The following ACTR3C variants were observed in gnomAD, a reference collection of about 807,000 sequenced individuals.
ACTR3C encodes the protein actin-related protein 3C.
A neutral mutation model predicts 26.3 loss-of-function variants in ACTR3C; 18 were observed. The observed-to-expected ratio is 0.68, with a 90% CI of 0.47 to 1.01. ACTR3C has a LOEUF of 1.01. ACTR3C is among the 50% of genes least tolerant of loss of function. The pLI is 0.00. For missense variants in ACTR3C, 184 were observed against 250.7 expected, an observed-to-expected ratio of 0.73 and a Z score of 1.80; for synonymous variants, 55 against 94.5, an observed-to-expected ratio of 0.58 and a Z score of 2.42.
chr7:150,075,509 A>G, the ACTR3C span, among the ~76,000 whole-genome samples: 1 of 152,068 alleles, frequency 6.6e-6, no homozygotes, highest in African/African-American at 2.4e-5. Context: ...TAATCAGGTG[A>G]TGTAATTAGC....
At chr7:150,213,469 G>T in the ACTR3C span, among the ~76,000 whole-genome samples, 1 of 152,170 alleles carries the variant, frequency 6.6e-6, no homozygotes, top group Non-Finnish European at 1.5e-5. Flanking sequence ...AAGATATAAA[G>T]TCTTGAAGAG....
chr7:150,134,583 T>C, the ACTR3C span, among the ~76,000 whole-genome samples: 1 of 152,246 alleles, frequency 6.6e-6, no homozygotes, highest in Non-Finnish European at 1.5e-5. Flanking sequence ...CAGCCCCATA[T>C]ATGTGTGTTT....
In ACTR3C at chr7:150,300,180, G is replaced by A. The variant is rs373379298; in HGVS notation, c.-51-4833C>T. 5.8e-4 allele frequency among the ~76,000 whole-genome samples: 88 copies of A among 152,074 alleles called. 1 individual carries two copies. The highest frequency in any genetic ancestry group is 1.2e-3 in the Non-Finnish European group (79 of 67,986). On this transcript the variant is annotated intron_variant, in intron 1 of 7. Transcript: ENST00000683684. ...AGCCTGACCAACATAGTGAAACCCC[G>A]TCTCTACTAAAAATACAAAAATTAG... is the stretch of plus-strand genomic sequence containing the variant.
the ACTR3C span, among the ~76,000 whole-genome samples, chr7:149,907,478 T>TTTC: frequency 1.0e-5 from 1 of 97,606 alleles, no homozygotes; most frequent in Non-Finnish European, 2.1e-5. Context: ...CTCTCTTCTC[T>TTTC]TCTCTCTCTC....
chr7:149,988,086 C>A, the ACTR3C span, among the ~76,000 whole-genome samples: 8 of 152,210 alleles, frequency 5.3e-5, no homozygotes, highest in Admixed American at 5.2e-4. Context: ...TATATTTCAA[C>A]TTAGAACGTG....
chr7:150,110,685 G>A, the ACTR3C span, among the ~76,000 whole-genome samples: 1 of 146,872 alleles, frequency 6.8e-6, no homozygotes, highest in Non-Finnish European at 1.5e-5. Flanking sequence ...GGGATGATCA[G>A]TGGTGGGGCT....
chr7:150,152,841 G>T, the ACTR3C span, among the ~76,000 whole-genome samples: 1 of 152,104 alleles, frequency 6.6e-6, no homozygotes, highest in African/African-American at 2.4e-5. Flanking sequence ...TATTCAGAGA[G>T]TCAACTTCTT....
the ACTR3C span, among the ~76,000 whole-genome samples, chr7:150,094,596 T>A: frequency 2.9e-4 from 43 of 150,748 alleles, 2 homozygotes; most frequent in East Asian, 8.3e-3. Flanking sequence ...AGGTCTTCAA[T>A]GAACAGGCTC....
the ACTR3C span, among the ~76,000 whole-genome samples, chr7:150,143,463 A>C: frequency 6.6e-6 from 1 of 152,096 alleles, no homozygotes; most frequent in Non-Finnish European, 1.5e-5. Context: ...ATTTACATGC[A>C]ATAAAATTCA....
At chr7:149,975,087 T>C in the ACTR3C span, among the ~76,000 whole-genome samples, 1 of 152,210 alleles carries the variant, frequency 6.6e-6, no homozygotes, top group African/African-American at 2.4e-5. Flanking sequence ...CCCAGCAGAA[T>C]ACACATGTCC....
At chr7:150,136,354 C>G in the ACTR3C span, among the ~76,000 whole-genome samples, 1 of 151,196 alleles carries the variant, frequency 6.6e-6, no homozygotes, top group Non-Finnish European at 1.5e-5. Flanking sequence ...CAACTCTGGA[C>G]CAGGTGAACT....
the ACTR3C span, among the ~76,000 whole-genome samples, chr7:149,988,540 A>T: frequency 6.6e-6 from 1 of 152,160 alleles, no homozygotes; most frequent in Non-Finnish European, 1.5e-5. Flanking sequence ...TGGTTTACTA[A>T]AGATTTCTGC....
the ACTR3C span, among the ~76,000 whole-genome samples, chr7:150,221,554 A>G: frequency 6.6e-6 from 1 of 152,230 alleles, no homozygotes; most frequent in South Asian, 2.1e-4. Flanking sequence ...AATATTCTGA[A>G]TGGGAATCAA....
At chr7:150,314,254 C>G (rs758203124) in intron 1 of ACTR3C, among the ~76,000 whole-genome samples, 1 of 152,232 alleles carries the variant, frequency 6.6e-6, no homozygotes, top group Non-Finnish European at 1.5e-5. Flanking sequence ...GAACAGTTGT[C>G]AGCCTTGTTC....
the ACTR3C span, among the ~76,000 whole-genome samples, chr7:150,025,778 T>A: frequency 6.6e-6 from 1 of 152,078 alleles, no homozygotes; most frequent in Non-Finnish European, 1.5e-5. Context: ...TCCCTCCACT[T>A]TTCCGTATGT....
chr7:149,941,254 T>A, the ACTR3C span, among the ~76,000 whole-genome samples: 1 of 152,170 alleles, frequency 6.6e-6, no homozygotes, highest in African/African-American at 2.4e-5. Flanking sequence ...CAATCATGAT[T>A]ACGTTTTCAG....
chr7:150,067,257 G>A, the ACTR3C span, among the ~76,000 whole-genome samples: 137 of 152,332 alleles, frequency 9.0e-4, no homozygotes, highest in Non-Finnish European at 1.7e-3. Context: ...AAATGATTCA[G>A]TTTGACTGTC....
the ACTR3C span, among the ~76,000 whole-genome samples, chr7:150,035,928 CT>C: frequency 2.9e-5 from 4 of 136,978 alleles, 1 homozygote; most frequent in Admixed American, 7.0e-5. Context: ...GTGCCTCGCC[CT>C]CCTGCGATGG....
At chr7:150,170,593 G>C in the ACTR3C span, among the ~76,000 whole-genome samples, 1 of 150,710 alleles carries the variant, frequency 6.6e-6, no homozygotes, top group Non-Finnish European at 1.5e-5. Context: ...TTGGTAACAT[G>C]TGGCCTTTGT....
Sources: gnomAD v4.1 joint callset for allele counts (sites outside exome capture counted in the v4.1 genomes callset) on GRCh38, gnomAD v4.1.1 for gene constraint, MANE v1.5 for transcripts, NCBI Gene and HGNC (gene_info 2026-07-23, HGNC 2026-07-21) for gene names.